The following THEMIS variants were observed in gnomAD, a reference collection of about 807,000 sequenced individuals.
The protein encoded by THEMIS is thymocyte selection associated.
In THEMIS, 37 loss-of-function variants were observed where a neutral mutation model predicts 52.6. The ratio of observed to expected loss-of-function variants is 0.70; its 90% CI spans 0.54 to 0.93. THEMIS has a LOEUF of 0.93. THEMIS is among the 40% of genes least tolerant of loss of function. The probability of loss-of-function intolerance (pLI) is 0.00; values close to 1 mark genes in which losing one functional copy is unlikely to be tolerated. For synonymous variants in THEMIS, 292 were observed against 272.7 expected, an observed-to-expected ratio of 1.07 and a Z score of -0.70; for missense variants, 808 against 763.1, an observed-to-expected ratio of 1.06 and a Z score of -0.69.
chr6:127,703,134 G>A (rs1299051045), downstream of THEMIS, among the ~76,000 whole-genome samples: 301 of 127,102 alleles, frequency 2.4e-3, 2 homozygotes, highest in Non-Finnish European at 3.2e-3. Context: ...TGCAAGCTCC[G>A]CCTCCCGGGT....
At chr6:127,818,061 C>T (rs1778197149) in intron 3 of THEMIS, among the ~76,000 whole-genome samples, 1 of 152,144 alleles carries the variant, frequency 6.6e-6, no homozygotes, top group African/African-American at 2.4e-5. Flanking sequence ...GACTAACTAT[C>T]ATGGGGGAAG....
downstream of THEMIS, among the ~76,000 whole-genome samples, chr6:127,704,360 C>A (rs1220443540): frequency 6.6e-6 from 1 of 152,072 alleles, no homozygotes; most frequent in African/African-American, 2.4e-5. Flanking sequence ...CAAACTTGCA[C>A]CTCTGCCATA....
chr6:127,909,608 A>T (rs1040982855), intron 1 of THEMIS, among the ~76,000 whole-genome samples: 1 of 152,158 alleles, frequency 6.6e-6, no homozygotes, highest in African/African-American at 2.4e-5. Context: ...GTATCCTTAT[A>T]GCAGCATGAG....
intron 1 of THEMIS, among the ~76,000 whole-genome samples, chr6:127,872,009 A>G (rs1310823200): frequency 6.6e-6 from 1 of 152,188 alleles, no homozygotes; most frequent in Non-Finnish European, 1.5e-5. Context: ...AAAATAAACA[A>G]ATAAATAAAA....
the THEMIS span, among the ~76,000 whole-genome samples, chr6:127,703,035 G>GGT: frequency 3.9e-4 from 32 of 82,348 alleles, 3 homozygotes; most frequent in Admixed American, 6.5e-4. Context: ...TTTAGAATGA[G>GGT]TTTTTTTTTT....
chr6:127,875,697 T>C (rs1018673596), intron 1 of THEMIS, among the ~76,000 whole-genome samples: 3 of 152,216 alleles, frequency 2.0e-5, no homozygotes, highest in Non-Finnish European at 4.4e-5. Context: ...CACATAGGAC[T>C]AGTGACTACT....
intron 1 of THEMIS, among the ~76,000 whole-genome samples, chr6:127,871,439 G>A (rs972754610): frequency 6.6e-6 from 1 of 151,738 alleles, no homozygotes; most frequent in African/African-American, 2.4e-5. Flanking sequence ...AAGAGCAATA[G>A]CCTCAAATCA....
chr6:127,805,970 T>C (rs893120820), intron 4 of THEMIS, among the ~76,000 whole-genome samples: 37 of 152,086 alleles, frequency 2.4e-4, no homozygotes, highest in Non-Finnish European at 2.5e-4. Flanking sequence ...TGATTTTTTT[T>C]TTTAAAGAAA....
At chr6:127,839,572 A>G (rs1453541546) in intron 2 of THEMIS, among the ~76,000 whole-genome samples, 2 of 152,038 alleles carry the variant, frequency 1.3e-5, no homozygotes, top group Non-Finnish European at 2.9e-5. Context: ...GTGGAGTCAC[A>G]GATCACTGCG....
chr6:127,838,913 T>C (rs551748598), intron 2 of THEMIS, among the ~76,000 whole-genome samples: 2 of 152,266 alleles, frequency 1.3e-5, no homozygotes, highest in East Asian at 3.9e-4. Context: ...AGTACCACTA[T>C]TGTAAAAGTA....
At chr6:127,851,801 A>G (rs918937044) in intron 2 of THEMIS, among the ~76,000 whole-genome samples, 1 of 151,708 alleles carries the variant, frequency 6.6e-6, no homozygotes. Flanking sequence ...TAAACTAAAC[A>G]TACTCTTACT....
At chr6:127,711,305 T>C (rs1773973712) in intron 5 of THEMIS, among the ~76,000 whole-genome samples, 1 of 152,022 alleles carries the variant, frequency 6.6e-6, no homozygotes, top group Non-Finnish European at 1.5e-5. Flanking sequence ...ATTTTCATGA[T>C]GTGTGTGAAA....
intron 3 of THEMIS, among the ~76,000 whole-genome samples, chr6:127,822,506 T>G (rs1778374332): frequency 6.6e-6 from 1 of 152,210 alleles, no homozygotes; most frequent in Non-Finnish European, 1.5e-5. Flanking sequence ...TTAAAATGAA[T>G]ACACTTGCAT....
chr6:127,778,100 A>G (rs1024042441), intron 4 of THEMIS, among the ~76,000 whole-genome samples: 9 of 152,132 alleles, frequency 5.9e-5, no homozygotes, highest in African/African-American at 2.2e-4. Context: ...AGAAATCTCA[A>G]TGCAGTCTCA....
At chr6:127,806,947 T>G (rs992435690) in intron 4 of THEMIS, among the ~76,000 whole-genome samples, 15 of 152,236 alleles carry the variant, frequency 9.9e-5, no homozygotes, top group African/African-American at 3.6e-4. Flanking sequence ...TTTTCACTTC[T>G]TTAGTTGTCT....
chr6:127,759,336 C>A (rs1263091006), intron 4 of THEMIS, among the ~76,000 whole-genome samples: 3 of 151,990 alleles, frequency 2.0e-5, no homozygotes, highest in Admixed American at 6.6e-5. Flanking sequence ...CTGATGACAC[C>A]AAAATATACA....
At chr6:127,812,629 A>G (rs1321960686) in intron 4 of THEMIS, among the ~76,000 whole-genome samples, 2 of 152,220 alleles carry the variant, frequency 1.3e-5, no homozygotes, top group Non-Finnish European at 2.9e-5. Context: ...TGAAAAGGCA[A>G]TTTGGGTCAT....
chr6:127,821,262 AC>A (rs1778331321), intron 3 of THEMIS, among the ~76,000 whole-genome samples: 1 of 152,026 alleles, frequency 6.6e-6, no homozygotes, highest in Non-Finnish European at 1.5e-5. Flanking sequence ...CCCAAAAAAG[AC>A]CAAAGAGTAC....
At chr6:127,760,055 T>C (rs569315453) in intron 4 of THEMIS, among the ~76,000 whole-genome samples, 6 of 151,890 alleles carry the variant, frequency 4.0e-5, no homozygotes, top group African/African-American at 1.2e-4. Context: ...TCAATATTGA[T>C]GTATAGTGTA....
Sources: allele counts gnomAD v4.1 joint callset (sites outside exome capture counted in the v4.1 genomes callset), GRCh38; gene constraint gnomAD v4.1.1; transcripts MANE v1.5; gene names NCBI Gene and HGNC (gene_info 2026-07-23, HGNC 2026-07-21).